The following CD44 variants were observed in gnomAD, a reference collection of about 807,000 sequenced individuals.
CD44 encodes the protein CD44 antigen.
CD44 carries 49 observed loss-of-function variants against 88.8 expected under a neutral mutation model. That is an observed-to-expected ratio of 0.55 (90% CI 0.44 to 0.70). The LOEUF is 0.70. Among genes scored for constraint, CD44 ranks in the 30% least tolerant of loss-of-function variants. The pLI is 0.00. For synonymous variants in CD44, 325 were observed against 312.3 expected (o/e 1.04, Z -0.43); for missense variants, 883 against 913.8 (o/e 0.97, Z 0.43).
At chr11:35,160,172 A>G (rs1428398423) in intron 1 of CD44, among the ~76,000 whole-genome samples, 1 of 152,200 alleles carries the variant, frequency 6.6e-6, no homozygotes, top group African/African-American at 2.4e-5. Flanking sequence ...AGAACTGAAG[A>G]ATGGTTCAAA....
rs188138055 is a variant in CD44 at position 35,184,728 on chromosome 11, A to G, written c.368-2104A>G. On this transcript the variant is annotated intron_variant, in intron 3 of 17. Transcript: ENST00000428726. The stretch of plus-strand genomic sequence containing the variant: ...TTTCTCCTTTTATATGGTCTGGCAT[A>G]TAAGTGTTGAGTAGATGCTTAAAAA... 1.0e-3 allele frequency among the ~76,000 whole-genome samples: 159 copies of G among 152,346 alleles called. 2 individuals are homozygous for G. The East Asian group carries it at 0.023, about 22-fold the overall frequency.
At chr11:35,145,816 T>C (rs1368183340) in intron 1 of CD44, among the ~76,000 whole-genome samples, 6 of 152,170 alleles carry the variant, frequency 3.9e-5, no homozygotes, top group Admixed American at 6.5e-5. Flanking sequence ...TCTGTCGGTC[T>C]CTTTGGGCAA....
chr11:35,151,426 G>A (rs1186478195), intron 1 of CD44, among the ~76,000 whole-genome samples: 1 of 152,154 alleles, frequency 6.6e-6, no homozygotes, highest in African/African-American at 2.4e-5. Context: ...AAGAACTTTG[G>A]CAACTTTGCC....
At chr11:35,164,352 A>AT (rs1334534046) in intron 1 of CD44, among the ~76,000 whole-genome samples, 1 of 152,196 alleles carries the variant, frequency 6.6e-6, no homozygotes, top group East Asian at 1.9e-4. Flanking sequence ...AATGGGGGTG[A>AT]TTTTTTGACT....
chr11:35,168,388 T>G (rs1047032815), intron 1 of CD44, among the ~76,000 whole-genome samples: 1 of 152,190 alleles, frequency 6.6e-6, no homozygotes, highest in Non-Finnish European at 1.5e-5. Flanking sequence ...TTACCTCTTG[T>G]GTAAAATGGG....
At chr11:35,224,363 C>A (rs553004411) in intron 17 of CD44, among the ~76,000 whole-genome samples, 12 of 152,282 alleles carry the variant, frequency 7.9e-5, no homozygotes, top group African/African-American at 2.6e-4. Context: ...ATTCCCTTTT[C>A]ATGAGAGCAC....
At chr11:35,201,928 T>C in intron 9 of CD44, 141 bp downstream of exon 9, 1 of 932,134 alleles carries the variant, frequency 1.1e-6, no homozygotes, top group Non-Finnish European at 1.6e-6. Flanking sequence ...CCTGAAAAGC[T>C]GCTAAACCCG....
In CD44 at chr11:35,209,995, C is replaced by T. The variant is rs572774966; in HGVS notation, c.1547C>T (p.Ser516Leu). 3 of 1,575,882 alleles carry T rather than the reference C, an allele frequency of 1.9e-6. No individual in the cohort carries two copies. The South Asian group carries it at 3.5e-5, about 19-fold the overall frequency. Reference sequence around the variant, plus strand: ...AGTAATTCTCAGAGCTTCTCTACATCACATGAAGGCTTGGAAGAAGATAAA... The same window carrying T: ...AGTAATTCTCAGAGCTTCTCTACATTACATGAAGGCTTGGAAGAAGATAAA... ...QQSNSQSFST[S>L]HEGLEEDKDH... The change falls in exon 13 of 18, where the codon TCA becomes TTA. Residue 516 changes from serine to leucine, a missense_variant. By Grantham distance (145) the Ser-to-Leu change is moderately radical. This residue lies in a region of CD44 where 631 missense variants were observed against 590.9 expected (regional missense o/e 1.07). Coordinates refer to ENST00000428726, the MANE Select transcript of CD44 (RefSeq NM_000610.4).
At chr11:35,143,804 C>T (rs991391717) in intron 1 of CD44, among the ~76,000 whole-genome samples, 1 of 152,146 alleles carries the variant, frequency 6.6e-6, no homozygotes, top group Non-Finnish European at 1.5e-5. Flanking sequence ...TAAATCACAT[C>T]CCTTATCAGA....
At chr11:35,168,355 C>T (rs936730105) in intron 1 of CD44, among the ~76,000 whole-genome samples, 1 of 152,224 alleles carries the variant, frequency 6.6e-6, no homozygotes, top group African/African-American at 2.4e-5. Flanking sequence ...GCACAAGTTA[C>T]TTACATCTTC....
intron 17 of CD44, chr11:35,222,598 A>AATACAT: frequency 1.8e-6 from 1 of 545,622 alleles, no homozygotes; most frequent in Non-Finnish European, 2.3e-6. Flanking sequence ...TTTTATATAT[A>AATACAT]ATATATATAT....
rs1307240086 is a variant in CD44 at position 35,180,420 on chromosome 11, G to T, written c.367+13G>T. 5 of 1,613,822 alleles carry T rather than the reference G, an allele frequency of 3.1e-6. No homozygotes were observed. In the East Asian group the frequency reaches 6.7e-5, roughly 22 times the overall value. On this transcript the variant is annotated intron_variant, in intron 3 of 17. Coordinates refer to ENST00000428726, the MANE Select transcript of CD44 (RefSeq NM_000610.4). ...TTCAATGCTTCAGGTTGGTTCTCAG[G>T]GGGGTGTCTGTTGGCGTGAAAGGCT...
At chr11:35,193,853 A>T (rs1239789460) in intron 5 of CD44, among the ~76,000 whole-genome samples, 2 of 152,240 alleles carry the variant, frequency 1.3e-5, no homozygotes, top group African/African-American at 4.8e-5. Flanking sequence ...TGGATACCTG[A>T]GGAAGTTTTA....
chr11:35,189,774 C>T (rs1591155103), intron 4 of CD44, 61 bp from the exon 5 acceptor site: 1 of 1,113,138 alleles, frequency 9.0e-7, no homozygotes, highest in Non-Finnish European at 1.3e-6. Context: ...ATGTTAAACG[C>T]TAATCCACAT....
intron 2 of CD44, 28 bp downstream of exon 2, chr11:35,176,768 G>A (rs1944508090): frequency 1.2e-6 from 2 of 1,603,606 alleles, no homozygotes; most frequent in Non-Finnish European, 1.7e-6. Flanking sequence ...GACCACTGGG[G>A]AAAGCTGGCG....
At chr11:35,139,453 G>A (rs1857451864) in intron 1 of CD44, 83 bp downstream of exon 1, 1 of 1,234,168 alleles carries the variant, frequency 8.1e-7, no homozygotes, top group Non-Finnish European at 1.2e-6. Flanking sequence ...CGGCTGAGTC[G>A]GCCCTGGGGG....
At chr11:35,173,562 T>C (rs1944139713) in intron 1 of CD44, among the ~76,000 whole-genome samples, 1 of 152,218 alleles carries the variant, frequency 6.6e-6, no homozygotes, top group Non-Finnish European at 1.5e-5. Flanking sequence ...TCCCCCCATG[T>C]GCTAATGATG....
intron 10 of CD44, chr11:35,204,962 G>A (rs1480168621): frequency 4.1e-6 from 1 of 245,474 alleles, no homozygotes; most frequent in African/African-American, 2.3e-5. Context: ...GCTGTCTGTT[G>A]TATAAAGGAA....
chr11:35,181,689 T>C (rs949122564), intron 3 of CD44, among the ~76,000 whole-genome samples: 5 of 136,714 alleles, frequency 3.7e-5, no homozygotes, highest in Admixed American at 2.5e-4. Flanking sequence ...TATTTATATA[T>C]ATATTTATTT....
Sources: gnomAD v4.1 joint callset for allele counts (sites outside exome capture counted in the v4.1 genomes callset) on GRCh38, gnomAD v4.1.1 for gene constraint, gnomAD v4.1.1 regional missense constraint, MANE v1.5 for transcripts, NCBI Gene and HGNC (gene_info 2026-07-23, HGNC 2026-07-21) for gene names.